The following MYO1B variants were observed in gnomAD, a reference collection of about 807,000 sequenced individuals.
MYO1B encodes unconventional myosin-Ib.
Under a neutral mutation model 159.7 loss-of-function variants are expected in MYO1B, and 72 were observed. The ratio of observed to expected loss-of-function variants is 0.45; its 90% confidence interval spans 0.37 to 0.55. The LOEUF (loss-of-function observed/expected upper bound fraction) is 0.55. Ranked by LOEUF, MYO1B falls within the 20% of genes least tolerant of loss-of-function variation. The pLI is 0.00. For synonymous variants in MYO1B, 468 were observed against 473.8 expected (o/e 0.99, Z 0.16); for missense variants, 1,062 against 1,364.8 (o/e 0.78, Z 3.50).
chr2:191,295,789 G>C (rs1479851272), intron 2 of MYO1B, among the ~76,000 whole-genome samples: 1 of 152,166 alleles, frequency 6.6e-6, no homozygotes, highest in South Asian at 2.1e-4. Flanking sequence ...CTTACAGTTA[G>C]CAGTAGTTTG....
At chr2:191,261,935 TG>T (rs1264037712) in intron 1 of MYO1B, among the ~76,000 whole-genome samples, 1 of 152,186 alleles carries the variant, frequency 6.6e-6, no homozygotes, top group Non-Finnish European at 1.5e-5. Flanking sequence ...TCATTTTTTA[TG>T]ACTTCCAAAT....
chr2:191,306,390 G>A (rs933555127), intron 3 of MYO1B, among the ~76,000 whole-genome samples: 13 of 152,074 alleles, frequency 8.5e-5, no homozygotes, highest in African/African-American at 2.7e-4. Flanking sequence ...TGGAACCTAG[G>A]GTGCAAACTG....
chr2:191,272,562 T>G (rs1687515746), intron 1 of MYO1B, among the ~76,000 whole-genome samples: 1 of 152,148 alleles, frequency 6.6e-6, no homozygotes, highest in Non-Finnish European at 1.5e-5. Context: ...TTGGGATAGG[T>G]TACATCTCTA....
intron 21 of MYO1B, among the ~76,000 whole-genome samples, chr2:191,397,318 T>C (rs1433472159): frequency 6.8e-6 from 1 of 147,060 alleles, no homozygotes; most frequent in Non-Finnish European, 1.5e-5. Flanking sequence ...TCTCTGGTTT[T>C]CCTAGGCAGA....
At chr2:191,380,647 C>T (rs1517834) in intron 13 of MYO1B, among the ~76,000 whole-genome samples, 1,552 of 152,284 alleles carry the variant, frequency 0.01, 61 homozygotes, top group Admixed American at 0.076. Flanking sequence ...AAGCTTCTGT[C>T]AACAAATTCA....
intron 3 of MYO1B, among the ~76,000 whole-genome samples, chr2:191,299,974 T>G (rs1453489533): frequency 6.6e-6 from 1 of 152,238 alleles, no homozygotes; most frequent in African/African-American, 2.4e-5. Flanking sequence ...TAATAAGGTA[T>G]GTGGGACACA....
At chr2:191,364,359 T>A in intron 11 of MYO1B, 83 bp downstream of exon 11, 1 of 1,081,832 alleles carries the variant, frequency 9.2e-7, no homozygotes, top group Non-Finnish European at 1.4e-6. Flanking sequence ...GATTTTAGTT[T>A]ACAGGCTGTT....
intron 6 of MYO1B, among the ~76,000 whole-genome samples, chr2:191,348,863 C>T (rs545412238): frequency 7.2e-5 from 11 of 152,294 alleles, no homozygotes; most frequent in South Asian, 4.1e-4. Flanking sequence ...TTTGGTGTGA[C>T]GAGAATATCT....
intron 3 of MYO1B, among the ~76,000 whole-genome samples, chr2:191,327,212 C>T (rs941756261): frequency 6.6e-6 from 1 of 152,184 alleles, no homozygotes; most frequent in African/African-American, 2.4e-5. Flanking sequence ...GCTTCGAGAG[C>T]ATCCACTCAT....
At chr2:191,278,228 C>CT (rs1460098619) in intron 2 of MYO1B, among the ~76,000 whole-genome samples, 1 of 152,174 alleles carries the variant, frequency 6.6e-6, no homozygotes, top group Non-Finnish European at 1.5e-5. Context: ...TGAGGACCTG[C>CT]TTTCTGGCTC....
chr2:191,284,123 AACTG>A (rs1431515077), intron 2 of MYO1B, among the ~76,000 whole-genome samples: 5 of 152,200 alleles, frequency 3.3e-5, no homozygotes. Context: ...GATGACAGGT[AACTG>A]ACAGCTGCAC....
Position 191,360,595 on chromosome 2 carries a change from A to G in MYO1B, c.563-36A>G, listed in dbSNP as rs752770072. 4 of 1,354,434 alleles carry G rather than the reference A, an allele frequency of 3.0e-6. No individual in the cohort carries two copies. In the African/African-American group the frequency reaches 4.4e-5, roughly 15 times the overall value. 83.9% of individuals were successfully genotyped at this position (1,354,434 alleles called of 1,614,324 possible). On this transcript the variant is annotated intron_variant, in intron 7 of 30. Transcript: ENST00000392318. ...AAAGCATGGTGGATTTGGAAGTGAA[A>G]CAAATGCCATACTATGATTTAACTC...
At chr2:191,375,867 G>A (rs1694676731) in intron 13 of MYO1B, among the ~76,000 whole-genome samples, 1 of 151,726 alleles carries the variant, frequency 6.6e-6, no homozygotes, top group African/African-American at 2.4e-5. Flanking sequence ...GCTGAGGCAG[G>A]AGAATCACTT....
At position 191,357,230 on chromosome 2, in the gene MYO1B, T is replaced by C. The variant is rs371556420; in HGVS notation, c.563-3401T>C. Among the ~76,000 whole-genome samples the C allele has an allele frequency of 2.0e-5, 3 of 152,220 alleles. 1 individual carries two copies. In the East Asian group the frequency reaches 5.8e-4, roughly 29 times the overall value. Reference sequence around the variant, plus strand: ...TCCTCCAGTAGGTGCAGCCTTAGACTATTTCTTTCACACCTTGTGCCTTGG... The same window carrying C: ...TCCTCCAGTAGGTGCAGCCTTAGACCATTTCTTTCACACCTTGTGCCTTGG... On this transcript the variant is annotated intron_variant, in intron 7 of 30. Coordinates refer to ENST00000392318, the MANE Select transcript of MYO1B (RefSeq NM_001130158.3).
intron 1 of MYO1B, among the ~76,000 whole-genome samples, chr2:191,255,761 G>GGGCC (rs1001007876): frequency 2.8e-4 from 43 of 152,096 alleles, no homozygotes; most frequent in African/African-American, 9.4e-4. Context: ...GGCTTGAATG[G>GGGCC]GGCCACTGCC....
At chr2:191,366,538 C>T (rs1465463662) in intron 11 of MYO1B, among the ~76,000 whole-genome samples, 1 of 152,038 alleles carries the variant, frequency 6.6e-6, no homozygotes, top group East Asian at 1.9e-4. Context: ...TTGCCCCATG[C>T]CTCCTTTTCC....
At chr2:191,342,934 C>A (rs976153487) in intron 5 of MYO1B, among the ~76,000 whole-genome samples, 1 of 152,032 alleles carries the variant, frequency 6.6e-6, no homozygotes, top group African/African-American at 2.4e-5. Context: ...ATATTGTAAG[C>A]ATGTCTTTAC....
At chr2:191,357,774 G>C (rs556055864) in intron 7 of MYO1B, among the ~76,000 whole-genome samples, 11 of 152,308 alleles carry the variant, frequency 7.2e-5, no homozygotes, top group Admixed American at 2.0e-4. Flanking sequence ...TCTACTTTGA[G>C]TAATTATTTG....
intron 13 of MYO1B, among the ~76,000 whole-genome samples, chr2:191,375,470 A>AAGAAAGATAGAT (rs1553556394): frequency 6.8e-6 from 1 of 146,256 alleles, no homozygotes; most frequent in African/African-American, 2.5e-5. Context: ...TGATTTGTAA[A>AAGAAAGATAGAT]AGATAGATAG....
Sources: gnomAD v4.1 joint callset for allele counts (sites outside exome capture counted in the v4.1 genomes callset) on GRCh38, gnomAD v4.1.1 for gene constraint, MANE v1.5 for transcripts, NCBI Gene and HGNC (gene_info 2026-07-23, HGNC 2026-07-21) for gene names.